SLC10A7: variants seen among roughly 807,000 people sequenced by gnomAD.
SLC10A7 encodes solute carrier family 10 member 7.
SLC10A7 carries 29 observed loss-of-function variants against 43.2 expected under a neutral mutation model. That is an observed-to-expected ratio of 0.67 (90% CI 0.50 to 0.92). SLC10A7 has a LOEUF of 0.92. SLC10A7 is among the 40% of genes least tolerant of loss of function. SLC10A7 has a pLI of 0.00. For synonymous variants in SLC10A7, 152 were observed against 144.8 expected, an observed-to-expected ratio of 1.05 and a Z score of -0.35; for missense variants, 295 against 403.2, an observed-to-expected ratio of 0.73 and a Z score of 2.30.
intron 9 of SLC10A7, among the ~76,000 whole-genome samples, chr4:146,290,589 G>T (rs1730379029): frequency 6.6e-6 from 1 of 152,140 alleles, no homozygotes; most frequent in Admixed American, 6.5e-5. Context: ...GCTAGTTGCG[G>T]TGAATCATGC....
Position 146,446,029 on chromosome 4 carries a change from GA to G in SLC10A7, c.397-3209del, listed in dbSNP as rs367862015. Among the ~76,000 whole-genome samples, 36 of 152,146 alleles carry G rather than the reference GA, an allele frequency of 2.4e-4. No individual in the cohort carries two copies. In the East Asian group the frequency reaches 3.7e-3, roughly 16 times the overall value. ...GGTAAAATTTCAGGTGGGAAAACAA[GA>G]ATAGTTCTCACTTTGGGCCGTGGGT... On this transcript the variant is annotated intron_variant, in intron 4 of 11. Coordinates refer to ENST00000335472, the MANE Select transcript of SLC10A7 (RefSeq NM_001029998.6).
At chr4:146,267,495 T>C (rs1481782057) in intron 10 of SLC10A7, among the ~76,000 whole-genome samples, 1 of 152,230 alleles carries the variant, frequency 6.6e-6, no homozygotes, top group South Asian at 2.1e-4. Context: ...TGCACCCATC[T>C]AAGTGATTGG....
chr4:146,464,275 TAG>T (rs1160500358), intron 4 of SLC10A7, among the ~76,000 whole-genome samples: 4 of 152,134 alleles, frequency 2.6e-5, no homozygotes, highest in Non-Finnish European at 5.9e-5. Flanking sequence ...AGTGGACAAA[TAG>T]AGTTACAAAA....
At chr4:146,471,569 T>C (rs1234105694) in intron 4 of SLC10A7, among the ~76,000 whole-genome samples, 7 of 152,136 alleles carry the variant, frequency 4.6e-5, no homozygotes, top group Admixed American at 4.6e-4. Flanking sequence ...CCTCAATCCA[T>C]TGAAGTATAC....
chr4:146,504,460 A>C (rs1214711466), intron 3 of SLC10A7, among the ~76,000 whole-genome samples: 1 of 147,910 alleles, frequency 6.8e-6, no homozygotes, highest in Non-Finnish European at 1.5e-5. Context: ...CAGAGTTTGC[A>C]GTGAGCCGAG....
At chr4:146,446,525 G>A (rs1211818383) in intron 4 of SLC10A7, among the ~76,000 whole-genome samples, 2 of 150,552 alleles carry the variant, frequency 1.3e-5, no homozygotes, top group Non-Finnish European at 2.9e-5. Context: ...GCAGTGAGTC[G>A]AGATTGTACC....
chr4:146,320,384 G>A (rs1732620988), intron 6 of SLC10A7, among the ~76,000 whole-genome samples: 1 of 152,068 alleles, frequency 6.6e-6, no homozygotes, highest in Non-Finnish European at 1.5e-5. Context: ...AAGATGGGAT[G>A]TGAGGGCATG....
chr4:146,282,382 T>C (rs1366472013), intron 10 of SLC10A7, among the ~76,000 whole-genome samples: 1 of 152,194 alleles, frequency 6.6e-6, no homozygotes, highest in Non-Finnish European at 1.5e-5. Flanking sequence ...ATAAGCAGAC[T>C]AAGAACATTG....
intron 6 of SLC10A7, among the ~76,000 whole-genome samples, chr4:146,318,898 C>T (rs1427258318): frequency 6.6e-6 from 1 of 152,044 alleles, no homozygotes; most frequent in South Asian, 2.1e-4. Flanking sequence ...GTTCTACTTT[C>T]CAGTTCTACT....
chr4:146,266,342 T>C (rs779582283), intron 10 of SLC10A7, among the ~76,000 whole-genome samples: 36 of 152,204 alleles, frequency 2.4e-4, no homozygotes, highest in Admixed American at 1.4e-3. Context: ...GAAATTGCTA[T>C]TGAGGAACAC....
chr4:146,288,525 A>G (rs1191879025), intron 9 of SLC10A7, among the ~76,000 whole-genome samples: 1 of 152,210 alleles, frequency 6.6e-6, no homozygotes, highest in African/African-American at 2.4e-5. Flanking sequence ...TTTGAGAAAG[A>G]CAATATTAAA....
intron 5 of SLC10A7, among the ~76,000 whole-genome samples, chr4:146,330,470 T>C (rs893049384): frequency 6.6e-6 from 1 of 152,152 alleles, no homozygotes; most frequent in Non-Finnish European, 1.5e-5. Flanking sequence ...AAAGGGATCT[T>C]AGAGATACCC....
chr4:146,511,064 G>A (rs1009198150), intron 2 of SLC10A7, among the ~76,000 whole-genome samples: 7 of 152,174 alleles, frequency 4.6e-5, no homozygotes, highest in Non-Finnish European at 8.8e-5. Flanking sequence ...TGAAGAAATT[G>A]AAGTTGAGGG....
At chr4:146,401,194 T>G (rs1739200678) in intron 5 of SLC10A7, among the ~76,000 whole-genome samples, 1 of 152,166 alleles carries the variant, frequency 6.6e-6, no homozygotes, top group African/African-American at 2.4e-5. Context: ...TAAAATCTTC[T>G]GGTTGGAAAG....
At position 146,365,378 on chromosome 4, in the gene SLC10A7, C is replaced by T. The variant is rs574010591; in HGVS notation, c.436-39382G>A. ...TAACTTTCTAAGATTCAGTAAAAAT[C>T]ACATAGATACTACATCAGAGTATTA... On this transcript the variant is annotated intron_variant, in intron 5 of 11. Coordinates refer to ENST00000335472, the MANE Select transcript of SLC10A7 (RefSeq NM_001029998.6). Among the ~76,000 whole-genome samples, 6 of 152,258 alleles carry T rather than the reference C, an allele frequency of 3.9e-5. No individual in the cohort carries two copies. In the East Asian group the frequency reaches 1.2e-3, roughly 29 times the overall value.
chr4:146,418,955 G>T (rs978398564), intron 5 of SLC10A7, among the ~76,000 whole-genome samples: 3 of 152,166 alleles, frequency 2.0e-5, no homozygotes, highest in Admixed American at 6.6e-5. Flanking sequence ...AAAAACACTT[G>T]TGTTTGCCAG....
chr4:146,370,195 CCCAAGAGGCTTGTTGTT>C (rs1667225338), intron 5 of SLC10A7, among the ~76,000 whole-genome samples: 1 of 152,136 alleles, frequency 6.6e-6, no homozygotes, highest in African/African-American at 2.4e-5. Flanking sequence ...AATGCATGCT[CCCAAGAGGCTTGTTGTT>C]CCAAGAATCA....
At chr4:146,363,756 G>A (rs896861369) in intron 5 of SLC10A7, among the ~76,000 whole-genome samples, 13 of 151,988 alleles carry the variant, frequency 8.6e-5, no homozygotes, top group African/African-American at 2.9e-4. Flanking sequence ...AACAACCACT[G>A]GGTCAATGAA....
At chr4:146,310,056 A>T (rs577803956) in intron 6 of SLC10A7, among the ~76,000 whole-genome samples, 2 of 152,226 alleles carry the variant, frequency 1.3e-5, no homozygotes, top group Admixed American at 1.3e-4. Context: ...CCCACTTGTA[A>T]GCGAGAACAT....
Sources: allele counts gnomAD v4.1 joint callset (sites outside exome capture counted in the v4.1 genomes callset), GRCh38; gene constraint gnomAD v4.1.1; transcripts MANE v1.5; gene names NCBI Gene and HGNC (gene_info 2026-07-23, HGNC 2026-07-21).